The following TM9SF3 variants were observed in gnomAD, a reference collection of about 807,000 sequenced individuals.
TM9SF3 encodes the protein transmembrane 9 superfamily member 3.
In TM9SF3, 14 loss-of-function variants were observed where a neutral mutation model predicts 78.6. That is an observed-to-expected ratio of 0.18 (90% CI 0.12 to 0.28). The LOEUF (loss-of-function observed/expected upper bound fraction) is 0.28, where lower values mean the gene tolerates loss of function less well. Ranked by LOEUF, TM9SF3 falls within the 10% of genes least tolerant of loss-of-function variation. TM9SF3 has a pLI of 1.00. For synonymous variants in TM9SF3, 231 were observed against 241.7 expected, an observed-to-expected ratio of 0.96 and a Z score of 0.41; for missense variants, 496 against 721.9, an observed-to-expected ratio of 0.69 and a Z score of 3.59.
intron 9 of TM9SF3, among the ~76,000 whole-genome samples, chr10:96,539,035 G>C (rs1194384532): frequency 6.6e-6 from 1 of 152,140 alleles, no homozygotes; most frequent in African/African-American, 2.4e-5. Flanking sequence ...GAAAACATAA[G>C]TCCATAGAAA....
Position 96,533,062 on chromosome 10 carries a change from C to T in TM9SF3, c.1314G>A (p.Pro438=). 1.9e-6 allele frequency: 3 copies of T among 1,611,702 alleles called. No individual in the cohort carries two copies. The highest frequency in any genetic ancestry group is 2.2e-5 in the South Asian group (2 of 90,688). Residue 438 remains proline (P), a synonymous_variant, in exon 10 of 15, where the codon CCG becomes CCA. Coordinates refer to ENST00000371142, the MANE Select transcript of TM9SF3 (RefSeq NM_020123.4). ...AGCATTCTCTTTACCATTTTTTCTCCGGTATAGGACGAGGCACAGCATTGA... is the reference window on the plus strand; with the variant it reads ...AGCATTCTCTTTACCATTTTTTCTCTGGTATAGGACGAGGCACAGCATTGA... ...CRVNAVPRPI[P]EKKWFMEPAV... is the part of the protein sequence containing the mutation.
At chr10:96,527,381 TAAATA>T in intron 13 of TM9SF3, 27 bp downstream of exon 13, 10 of 1,597,106 alleles carry the variant, frequency 6.3e-6, no homozygotes, top group Non-Finnish European at 8.5e-6. Flanking sequence ...TTTAGTTTCC[TAAATA>T]AAAGGTAAAA....
chr10:96,529,239 T>C (rs768777281), intron 11 of TM9SF3, among the ~76,000 whole-genome samples: 1 of 152,176 alleles, frequency 6.6e-6, no homozygotes, highest in African/African-American at 2.4e-5. Flanking sequence ...GCCCATAGCA[T>C]ATGCAGAGCT....
intron 12 of TM9SF3, 107 bp from the exon 13 acceptor site, chr10:96,527,603 A>C: frequency 1.2e-6 from 1 of 860,670 alleles, no homozygotes; most frequent in Non-Finnish European, 1.7e-6. Context: ...AGTCCTTTAA[A>C]ACTTATTTAA....
At chr10:96,526,229 C>T (rs1589445330) in intron 14 of TM9SF3, among the ~76,000 whole-genome samples, 1 of 152,064 alleles carries the variant, frequency 6.6e-6, no homozygotes, top group East Asian at 1.9e-4. Flanking sequence ...CCCAAAAGGC[C>T]AGCTCTTTCC....
At chr10:96,571,762 A>G (rs1196866937) in intron 2 of TM9SF3, among the ~76,000 whole-genome samples, 1 of 152,240 alleles carries the variant, frequency 6.6e-6, no homozygotes, top group Non-Finnish European at 1.5e-5. Context: ...GAAGAAAAAA[A>G]TTCAAGGGAA....
chr10:96,560,212 A>G, intron 4 of TM9SF3: 1 of 1,014,304 alleles, frequency 9.9e-7, no homozygotes, highest in Non-Finnish European at 1.5e-6. Flanking sequence ...CATGGACATG[A>G]GCCCCCTGAG....
At chr10:96,558,792 C>T (rs147922233) in intron 5 of TM9SF3, among the ~76,000 whole-genome samples, 54 of 152,098 alleles carry the variant, frequency 3.6e-4, no homozygotes, top group East Asian at 3.5e-3. Flanking sequence ...CAAAAACTTA[C>T]GGGCCATCTC....
In TM9SF3 at chr10:96,521,592, T is replaced by C. The variant is rs972466280; in HGVS notation, c.*671A>G. ...CAAACTGTATCTTCTTTGGATGGAA[T>C]TAAGATGTAACTGTATAGTTTTAAG... On this transcript the variant is annotated 3_prime_UTR_variant, in exon 15 of 15. Coordinates refer to ENST00000371142, the MANE Select transcript of TM9SF3 (RefSeq NM_020123.4). 1 of 151,754 alleles carries C rather than the reference T, an allele frequency of 6.6e-6. No homozygotes were observed. The highest frequency in any genetic ancestry group is 1.5e-5 in the Non-Finnish European group (1 of 67,382). 9.4% of individuals were successfully genotyped at this position (151,754 alleles called of 1,614,324 possible). A position where few individuals can be genotyped will look rare whatever the true frequency, so the allele number is the denominator to read the frequency against.
At chr10:96,544,435 T>C (rs1321128527) in intron 8 of TM9SF3, among the ~76,000 whole-genome samples, 1 of 152,232 alleles carries the variant, frequency 6.6e-6, no homozygotes, top group Non-Finnish European at 1.5e-5. Context: ...CATTTTGTCT[T>C]GACTCTGCCA....
chr10:96,540,902 C>T (rs928570509), intron 9 of TM9SF3, among the ~76,000 whole-genome samples: 3 of 150,394 alleles, frequency 2.0e-5, no homozygotes, highest in Admixed American at 6.7e-5. Flanking sequence ...CTCAGCCTCC[C>T]GAGTAGCTGG....
At chr10:96,584,536 G>A (rs1178537240) in intron 1 of TM9SF3, among the ~76,000 whole-genome samples, 2 of 152,180 alleles carry the variant, frequency 1.3e-5, no homozygotes, top group South Asian at 2.1e-4. Flanking sequence ...GGCCAGGCGT[G>A]GTGGCTCATG....
chr10:96,528,119 T>C lies in TM9SF3; in HGVS notation c.1453A>G (p.Met485Val). 2 of 1,612,926 alleles carry C rather than the reference T, an allele frequency of 1.2e-6. No homozygotes were observed. The highest frequency in any genetic ancestry group is 1.7e-5 in the Admixed American group (1 of 59,972). Reference protein sequence around the residue: ...YKIYYVYGFMMLVLVILCIVT... With the variant: ...YKIYYVYGFMVLVLVILCIVT... ...ATGCACAGGATAACCAGCACCAGCATCATGAAGCCATAGACATAATAGATC... is the reference window on the plus strand; with the variant it reads ...ATGCACAGGATAACCAGCACCAGCACCATGAAGCCATAGACATAATAGATC... The change falls in exon 12 of 15, where the codon ATG becomes GTG. Residue 485 changes from methionine to valine, a missense_variant. Met to Val is a conservative substitution (Grantham distance 21, BLOSUM62 1). Transcript: ENST00000371142.
At chr10:96,535,759 A>G (rs182879652) in intron 9 of TM9SF3, among the ~76,000 whole-genome samples, 4 of 152,320 alleles carry the variant, frequency 2.6e-5, no homozygotes, top group Admixed American at 6.5e-5. Flanking sequence ...GTTAGAATCA[A>G]GTACTGCCTA....
intron 5 of TM9SF3, among the ~76,000 whole-genome samples, chr10:96,555,723 ATTG>A (rs1848227136): frequency 6.6e-6 from 1 of 152,160 alleles, no homozygotes; most frequent in South Asian, 2.1e-4. Flanking sequence ...CAAGAAATGC[ATTG>A]TTTTTTGAAA....
chr10:96,524,265 AT>A (rs1426863146), intron 14 of TM9SF3, among the ~76,000 whole-genome samples: 2 of 151,966 alleles, frequency 1.3e-5, no homozygotes, highest in African/African-American at 4.8e-5. Context: ...ATAATAGGAA[AT>A]AACAATATTA....
At chr10:96,558,448 G>C (rs369237341) in intron 5 of TM9SF3, among the ~76,000 whole-genome samples, 1 of 152,050 alleles carries the variant, frequency 6.6e-6, no homozygotes, top group Non-Finnish European at 1.5e-5. Context: ...CTCAAGACCA[G>C]CCTGACCAAC....
chr10:96,536,212 T>A (rs12218847), intron 9 of TM9SF3, among the ~76,000 whole-genome samples: 1 of 151,954 alleles, frequency 6.6e-6, no homozygotes, highest in Non-Finnish European at 1.5e-5. Context: ...TTTTAATTAA[T>A]GGCATAAAAC....
At position 96,565,407 on chromosome 10, in the gene TM9SF3, A is replaced by T; in HGVS notation, c.318T>A (p.Thr106=). Residue 106 remains threonine, a synonymous_variant, in exon 3 of 15, where the codon ACT becomes ACA. Transcript: ENST00000371142. ...CTTTATCTAAATCAATTTCACAGTA[A>T]GTGGCTGGCATCACATCATCTGCAC... is the stretch of plus-strand genomic sequence containing the variant. The part of the protein sequence containing the change: ...IKFKDDVMPA[T]YCEIDLDKEK... 1 of 1,556,642 alleles carries T rather than the reference A, an allele frequency of 6.4e-7. No homozygotes were observed. The highest frequency in any genetic ancestry group is 1.7e-4 in the Middle Eastern group (1 of 5,946).
Sources: allele counts gnomAD v4.1 joint callset (sites outside exome capture counted in the v4.1 genomes callset), GRCh38; gene constraint gnomAD v4.1.1; transcripts MANE v1.5; gene names NCBI Gene and HGNC (gene_info 2026-07-23, HGNC 2026-07-21).